ZNF629: variants seen among roughly 807,000 people sequenced by gnomAD.
ZNF629 encodes the protein DNA-binding protein.
Under a neutral mutation model 59.7 loss-of-function variants are expected in ZNF629, and 9 were observed. The ratio of observed to expected loss-of-function variants is 0.15; its 90% confidence interval spans 0.09 to 0.26. The LOEUF is 0.26. Among genes scored for constraint, ZNF629 ranks in the 10% least tolerant of loss-of-function variants. The pLI is 1.00. For missense variants in ZNF629, 853 were observed against 1,165.4 expected (o/e 0.73, Z 3.90); for synonymous variants, 509 against 498.9 (o/e 1.02, Z -0.27).
At position 30,784,510 on chromosome 16, in the gene ZNF629, G is replaced by A. The variant is rs1275391495; in HGVS notation, c.-28C>T. 1.3e-5 allele frequency: 20 copies of A among 1,514,738 alleles called. No individual in the cohort carries two copies. The highest frequency in any genetic ancestry group is 1.8e-5 in the Non-Finnish European group (20 of 1,134,014). 93.8% of individuals were successfully genotyped at this position (1,514,738 alleles called of 1,614,324 possible). ...CAGAGCTCAGGACTGCAGTGTTCCAGGGACCCTGCGGGGGAAGACAGCGAT... is the reference window on the plus strand; with the variant it reads ...CAGAGCTCAGGACTGCAGTGTTCCAAGGACCCTGCGGGGGAAGACAGCGAT... On this transcript the variant is annotated 5_prime_UTR_variant, in exon 2 of 3. Transcript: ENST00000262525.
At position 30,783,290 on chromosome 16, in the gene ZNF629, G is replaced by A. The variant is rs182020502; in HGVS notation, c.1038C>T (p.Tyr346=). The A allele has an allele frequency of 9.9e-6, 16 of 1,614,184 alleles. No individual in the cohort carries two copies. The highest frequency in any genetic ancestry group is 1.6e-4 in the Middle Eastern group (1 of 6,062). The change falls in exon 3 of 3, where the codon TAC becomes TAT. Residue 346 remains tyrosine (Y), a synonymous_variant. Coordinates refer to ENST00000262525, the MANE Select transcript of ZNF629 (RefSeq NM_001080417.3). The part of the protein sequence containing the change: ...HQRTHTGEKP[Y]ECLECGKSFG... ...AGCTCTTGCCGCACTCTAGGCACTC[G>A]TAGGGCTTCTCGCCTGTGTGCGTGC...
Position 30,784,420 on chromosome 16 carries a change from A to G in ZNF629, c.63T>C (p.Asp21=). 1 of 1,568,012 alleles carries G rather than the reference A, an allele frequency of 6.4e-7. No individual in the cohort carries two copies. The highest frequency in any genetic ancestry group is 8.6e-7 in the Non-Finnish European group (1 of 1,158,822). Residue 21 remains aspartate, a synonymous_variant, in exon 2 of 3, where the codon GAT becomes GAC. Transcript: ENST00000262525. ...DLQGPEQSPN[D]AHRGAESENE... is the part of the protein sequence containing the mutation. ...TCTTGTGCCCCTCACCTCTGTGAGC[A>G]TCGTTGGGGCTCTGTTCCGGACCCT...
Position 30,782,550 on chromosome 16 carries a change from C to T in ZNF629, c.1778G>A (p.Gly593Glu), listed in dbSNP as rs1210772668. 3.2e-6 allele frequency: 5 copies of T among 1,560,184 alleles called. No individual in the cohort carries two copies. The South Asian group carries it at 3.5e-5, about 11-fold the overall frequency. The change falls in exon 3 of 3, where the codon GGA (glycine) becomes GAA (glutamate). Residue 593 changes from glycine (G) to glutamate (E), a missense_variant. Physicochemically the swap from Gly to Glu is moderately conservative, Grantham distance 98. Transcript: ENST00000262525. ...IFMQHQRIHIGENPYKNADGL... is the reference protein window; with the variant it reads ...IFMQHQRIHIEENPYKNADGL... ...GTCTGCATTTTTGTAGGGGTTTTCT[C>T]CGATGTGGATCCTCTGATGTTGCAT...
chr16:30,786,762 T>TGCGCTGGCA lies in ZNF629; in HGVS notation c.-34+257_-34+265dup, dbSNP rs1391626625. Among the ~76,000 whole-genome samples the TGCGCTGGCA allele has an allele frequency of 0.012, 1,805 of 151,810 alleles. 35 individuals carry two copies. Among genetic ancestry groups the TGCGCTGGCA allele is most frequent in the African/African-American group, 0.041 (1,695 of 41,358 alleles). On this transcript the variant is annotated intron_variant, in intron 1 of 2. Transcript: ENST00000262525. The surrounding 1 kb of genome is among the most constrained non-coding windows in gnomAD (Gnocchi z 4.8). ...CAGCACTGCCAGGCTCCTCCAGGGC[T>TGCGCTGGCA]GCGCTGGCAGCGCTGGTCCCCGGCC... is the stretch of plus-strand genomic sequence containing the variant.
At position 30,781,732 on chromosome 16, in the gene ZNF629, C is replaced by G. The variant is rs1381709683; in HGVS notation, c.2596G>C (p.Gly866Arg). 2.5e-6 allele frequency: 4 copies of G among 1,610,848 alleles called. No individual in the cohort carries two copies. The highest frequency in any genetic ancestry group is 1.7e-5 in the Admixed American group (1 of 59,510). The change falls in exon 3 of 3, where the codon GGT (glycine) becomes CGT (arginine). Residue 866 changes from glycine (G) to arginine (R), a missense_variant. By Grantham distance (125) the Gly-to-Arg change is moderately radical. Around this residue, in one of 3 missense-constraint regions of ZNF629, gnomAD observed 420 missense variants for 435.6 expected, o/e 0.96. Coordinates refer to ENST00000262525, the MANE Select transcript of ZNF629 (RefSeq NM_001080417.3). ...CCAGACCCATTTCACAGGGAGACAC[C>G]TGGGTGGCAGCTCCTATGGAGCAGG... ...ALLLHRSCHP[G>R]VSL
In ZNF629 at chr16:30,785,379, T is replaced by A. The variant is rs370517441; in HGVS notation, c.-33-864A>T. On this transcript the variant is annotated intron_variant, in intron 1 of 2. Coordinates refer to ENST00000262525, the MANE Select transcript of ZNF629 (RefSeq NM_001080417.3). The stretch of plus-strand genomic sequence containing the variant: ...CTAAGATGATAAAAGCAGGGCTCCA[T>A]ATCTGGCTCACCCCTGTCTCTGAGA... Among the ~76,000 whole-genome samples the A allele has an allele frequency of 2.6e-5, 4 of 152,168 alleles. No homozygotes were observed. The East Asian group carries it at 5.8e-4, about 22-fold the overall frequency.
intron 1 of ZNF629, among the ~76,000 whole-genome samples, chr16:30,785,229 A>G (rs956737592): frequency 1.3e-5 from 2 of 152,140 alleles, no homozygotes; most frequent in Non-Finnish European, 1.5e-5. Flanking sequence ...CCATGGTGTC[A>G]TTTCTCTCAC....
chr16:30,781,605 CACTCCACT>C lies in ZNF629; in HGVS notation c.*105_*112del. ...TTTTTTCCCAGGGTTCTTTCTCCTC[CACTCCACT>C]ACCATCTGATAGGGTTATCCTCCCT... On this transcript the variant is annotated 3_prime_UTR_variant, in exon 3 of 3. Coordinates refer to ENST00000262525, the MANE Select transcript of ZNF629 (RefSeq NM_001080417.3). The C allele has an allele frequency of 9.4e-7, 1 of 1,063,190 alleles. No homozygotes were observed. Among genetic ancestry groups the C allele is most frequent in the Non-Finnish European group, 1.3e-6 (1 of 791,796 alleles). The allele number at this position is 1,063,190 out of a possible 1,614,324, so 65.9% of individuals were successfully genotyped here.
At position 30,779,030 on chromosome 16, in the gene ZNF629, T is replaced by C. The variant is rs1323526298; in HGVS notation, c.*2688A>G. On this transcript the variant is annotated 3_prime_UTR_variant, in exon 3 of 3. Coordinates refer to ENST00000262525, the MANE Select transcript of ZNF629 (RefSeq NM_001080417.3). ...AGGGAAGCTCCTGGTTAAAGGAGCT[T>C]GGGGAGGTGGGCAAGAGAGAACACG... 3.3e-5 allele frequency: 5 copies of C among 152,160 alleles called. No homozygotes were observed. Among genetic ancestry groups the C allele is most frequent in the Non-Finnish European group, 7.3e-5 (5 of 68,082 alleles). The allele number at this position is 152,160 out of a possible 1,614,324, so 9.4% of individuals were successfully genotyped here.
At position 30,779,165 on chromosome 16, in the gene ZNF629, C is replaced by G. The variant is rs1310170218; in HGVS notation, c.*2553G>C. On this transcript the variant is annotated 3_prime_UTR_variant, in exon 3 of 3. Transcript: ENST00000262525. Reference sequence around the variant, plus strand: ...CGTACAAGAGCCAAGCCCCTTAGCCCTCACCCATCCCTACAACATGTGAGC... The same window carrying G: ...CGTACAAGAGCCAAGCCCCTTAGCCGTCACCCATCCCTACAACATGTGAGC... 1 of 152,234 alleles carries G rather than the reference C, an allele frequency of 6.6e-6. No homozygotes were observed. The highest frequency in any genetic ancestry group is 1.5e-5 in the Non-Finnish European group (1 of 68,090). 9.4% of individuals were successfully genotyped at this position (152,234 alleles called of 1,614,324 possible).
Position 30,780,702 on chromosome 16 carries a change from T to TG in ZNF629, c.*1015dup, listed in dbSNP as rs2054272489. 6.6e-6 allele frequency: 1 copy of TG among 152,360 alleles called. No homozygotes were observed. The highest frequency in any genetic ancestry group is 2.1e-4 in the South Asian group (1 of 4,826). The allele number at this position is 152,360 out of a possible 1,614,324, so 9.4% of individuals were successfully genotyped here. On this transcript the variant is annotated 3_prime_UTR_variant, in exon 3 of 3. Coordinates refer to ENST00000262525, the MANE Select transcript of ZNF629 (RefSeq NM_001080417.3). ...GGAGAAAGGGTGGTCCTGCCTGGTG[T>TG]GGGGAGAACCCTTGCACTCTGAGAG...
intron 1 of ZNF629, among the ~76,000 whole-genome samples, chr16:30,785,927 T>G (rs2054328129): frequency 6.6e-6 from 1 of 151,572 alleles, no homozygotes; most frequent in Non-Finnish European, 1.5e-5. Context: ...AATGGTGAGA[T>G]GAGTTCAGGA....
Position 30,782,319 on chromosome 16 carries a change from C to T in ZNF629, c.2009G>A (p.Ser670Asn). Residue 670 changes from serine (S) to asparagine (N), a missense_variant, in exon 3 of 3, where the codon AGC becomes AAC. By Grantham distance (46) the Ser-to-Asn change is conservative. Transcript: ENST00000262525. ...GAGGAGCACAGAGCGATCCAGGAAG[C>T]TCTCTCCGCAGTGGGAGCAGATGTA... ...KTYICSHCGE[S>N]FLDRSVLLQH... 6.2e-7 allele frequency: 1 copy of T among 1,607,276 alleles called. No individual in the cohort carries two copies. The highest frequency in any genetic ancestry group is 1.1e-5 in the South Asian group (1 of 90,086).
rs1317227629 is a variant in ZNF629, at chr16:30,780,414, C to T, written c.*1304G>A. ...CAAGTTGCTGGCTAATCAAAGCTTTCTAAGAAATTCTGTGGCCCTGATGAC... is the reference window on the plus strand; with the variant it reads ...CAAGTTGCTGGCTAATCAAAGCTTTTTAAGAAATTCTGTGGCCCTGATGAC... On this transcript the variant is annotated 3_prime_UTR_variant, in exon 3 of 3. Transcript: ENST00000262525. 6.6e-6 allele frequency: 1 copy of T among 152,644 alleles called. No homozygotes were observed. Among genetic ancestry groups the T allele is most frequent in the East Asian group, 1.9e-4 (1 of 5,204 alleles). The allele number at this position is 152,644 out of a possible 1,614,324, so 9.5% of individuals were successfully genotyped here.
chr16:30,784,580 T>C (rs2054316151), intron 1 of ZNF629, 65 bp from the exon 2 acceptor site: 17 of 1,261,156 alleles, frequency 1.3e-5, no homozygotes, highest in Non-Finnish European at 1.5e-5. Flanking sequence ...TTATTCCCCC[T>C]GAACCTCACT....
chr16:30,781,068 T>C lies in ZNF629; in HGVS notation c.*650A>G, dbSNP rs35695082. 0.11 allele frequency: 16,888 copies of C among 152,246 alleles called. 1,275 individuals are homozygous for C. Among genetic ancestry groups the C allele is most frequent in the Non-Finnish European group, 0.17 (11,417 of 68,024 alleles). 9.4% of individuals were successfully genotyped at this position (152,246 alleles called of 1,614,324 possible). Reference sequence around the variant, plus strand: ...TCAAACCCCAAGGACCCCAGTGCAGTGAGTGGGACCTTTTCTTCCTAGTCT... The same window carrying C: ...TCAAACCCCAAGGACCCCAGTGCAGCGAGTGGGACCTTTTCTTCCTAGTCT... On this transcript the variant is annotated 3_prime_UTR_variant, in exon 3 of 3. Coordinates refer to ENST00000262525, the MANE Select transcript of ZNF629 (RefSeq NM_001080417.3).
Position 30,784,193 on chromosome 16 carries a change from G to A in ZNF629, c.135C>T (p.Ile45=). The stretch of plus-strand genomic sequence containing the variant: ...CTGGACTCTGAGCCGGGTCTCCCAT[G>A]ATGATCTCCTCCCCAGAACTTTCCT... The part of the protein sequence containing the change: ...PRQESSGEEI[I]MGDPAQSPES... The change falls in exon 3 of 3, where the codon ATC becomes ATT. Residue 45 remains isoleucine, a synonymous_variant. Coordinates refer to ENST00000262525, the MANE Select transcript of ZNF629 (RefSeq NM_001080417.3). 2 of 1,609,270 alleles carry A rather than the reference G, an allele frequency of 1.2e-6. No individual in the cohort carries two copies. Among genetic ancestry groups the A allele is most frequent in the Non-Finnish European group, 1.7e-6 (2 of 1,178,964 alleles).
rs1474970923 is a variant in ZNF629, at chr16:30,784,030, C to G, written c.298G>C (p.Val100Leu). The change falls in exon 3 of 3, where the codon GTC becomes CTC. Residue 100 changes from valine (V) to leucine (L), a missense_variant. This residue lies in a region of ZNF629 where 232 missense variants were observed against 193.4 expected (regional missense o/e 1.20). Coordinates refer to ENST00000262525, the MANE Select transcript of ZNF629 (RefSeq NM_001080417.3). Reference sequence around the variant, plus strand: ...TTGGTCCAGTCAGATGGGGTAGGGACTACCTCCGGGGCTGGGGGGTCCAGG... The same window carrying G: ...TTGGTCCAGTCAGATGGGGTAGGGAGTACCTCCGGGGCTGGGGGGTCCAGG... Reference protein sequence around the residue: ...IPLDPPAPEVVPTPSDWTKAC... With the variant: ...IPLDPPAPEVLPTPSDWTKAC... 6.3e-7 allele frequency: 1 copy of G among 1,576,848 alleles called. No individual in the cohort carries two copies. The highest frequency in any genetic ancestry group is 1.8e-5 in the Admixed American group (1 of 56,120).
In ZNF629 at chr16:30,784,198, TCTC is replaced by T. The variant is rs1196696831; in HGVS notation, c.127_129del (p.Glu43del). ...CTCTGAGCCGGGTCTCCCATGATGA[TCTC>T]CTCCCCAGAACTTTCCTGCCGAGGG... On this transcript the variant is annotated inframe_deletion, in exon 3 of 3. Coordinates refer to ENST00000262525, the MANE Select transcript of ZNF629 (RefSeq NM_001080417.3). The T allele has an allele frequency of 8.7e-6, 14 of 1,608,852 alleles. No individual in the cohort carries two copies. The highest frequency in any genetic ancestry group is 3.4e-5 in the Admixed American group (2 of 59,636).
Sources: allele counts gnomAD v4.1 joint callset (sites outside exome capture counted in the v4.1 genomes callset), GRCh38; gene constraint gnomAD v4.1.1; regional missense constraint gnomAD v4.1.1; non-coding constraint Gnocchi (gnomAD v3.1); transcripts MANE v1.5; gene names NCBI Gene and HGNC (gene_info 2026-07-23, HGNC 2026-07-21).